Variants in SGCD observed in about 807,000 individuals in gnomAD.
SGCD encodes sarcoglycan delta.
Under a neutral mutation model 36.6 loss-of-function variants are expected in SGCD, and 18 were observed. That is an observed-to-expected ratio of 0.49 (90% CI 0.34 to 0.73). The LOEUF (loss-of-function observed/expected upper bound fraction) is 0.73, where lower values mean the gene tolerates loss of function less well. Ranked by LOEUF, SGCD falls within the 30% of genes least tolerant of loss-of-function variation. The probability of loss-of-function intolerance (pLI) is 0.01; values close to 1 mark genes in which losing one functional copy is unlikely to be tolerated. For missense variants in SGCD, 387 were observed against 346.7 expected, an observed-to-expected ratio of 1.12 and a Z score of -0.92; for synonymous variants, 133 against 130.6, an observed-to-expected ratio of 1.02 and a Z score of -0.12.
chr5:156,464,414 GT>G (rs1754635832), intron 3 of SGCD, among the ~76,000 whole-genome samples: 1 of 151,930 alleles, frequency 6.6e-6, no homozygotes, highest in South Asian at 2.1e-4. Context: ...TAGAGACAGG[GT>G]TTCACCATGT....
intron 3 of SGCD, among the ~76,000 whole-genome samples, chr5:156,436,337 A>G (rs965820746): frequency 6.6e-6 from 1 of 152,238 alleles, no homozygotes; most frequent in African/African-American, 2.4e-5. Context: ...AAAGTGCTCA[A>G]GATGTATTTG....
chr5:156,376,682 C>A (rs190656482), intron 3 of SGCD, among the ~76,000 whole-genome samples: 1 of 151,928 alleles, frequency 6.6e-6, no homozygotes, highest in Non-Finnish European at 1.5e-5. Context: ...AATCAAGTAT[C>A]TTTGTGTTTT....
chr5:156,188,674 C>CT (rs1441285112), intron 3 of SGCD, among the ~76,000 whole-genome samples: 2 of 134,846 alleles, frequency 1.5e-5, no homozygotes, highest in Non-Finnish European at 3.3e-5. Context: ...AACCGCCCCC[C>CT]CCGACACACA....
the SGCD span, among the ~76,000 whole-genome samples, chr5:155,864,237 A>G: frequency 6.8e-4 from 103 of 152,330 alleles, 4 homozygotes; most frequent in East Asian, 0.019. Context: ...ACCAGGAGGG[A>G]GCGCAGTAGG....
intron 5 of SGCD, among the ~76,000 whole-genome samples, chr5:156,594,082 A>G (rs1760829894): frequency 6.6e-6 from 1 of 152,210 alleles, no homozygotes. Flanking sequence ...AGGTAGATCC[A>G]GTAGATCCAG....
chr5:156,067,875 A>T (rs1253472710), intron 1 of SGCD, among the ~76,000 whole-genome samples: 1 of 131,034 alleles, frequency 7.6e-6, no homozygotes, highest in African/African-American at 4.2e-5. Context: ...GGTACCTCAG[A>T]TGGAAATGCA....
At chr5:155,829,871 T>G in the SGCD span, among the ~76,000 whole-genome samples, 3 of 152,192 alleles carry the variant, frequency 2.0e-5, no homozygotes, top group Non-Finnish European at 4.4e-5. Context: ...CAACCAAGCA[T>G]CATACAATCA....
At chr5:156,059,438 A>T (rs1326971081) in intron 1 of SGCD, among the ~76,000 whole-genome samples, 1 of 146,536 alleles carries the variant, frequency 6.8e-6, no homozygotes, top group Non-Finnish European at 1.5e-5. Context: ...TTAAACTTTT[A>T]TCAGAAAAGG....
chr5:156,188,180 C>T (rs1173317983), intron 3 of SGCD, among the ~76,000 whole-genome samples: 3 of 152,122 alleles, frequency 2.0e-5, no homozygotes, highest in Non-Finnish European at 4.4e-5. Context: ...TTCTTTTACT[C>T]ATTAGACATA....
At chr5:156,529,953 C>T (rs1292038050) in intron 4 of SGCD, among the ~76,000 whole-genome samples, 1 of 152,098 alleles carries the variant, frequency 6.6e-6, no homozygotes, top group African/African-American at 2.4e-5. Flanking sequence ...GTAAATGAGG[C>T]TTTTAAGATT....
intron 3 of SGCD, among the ~76,000 whole-genome samples, chr5:156,504,222 A>T (rs972778193): frequency 6.6e-6 from 1 of 151,652 alleles, no homozygotes; most frequent in African/African-American, 2.4e-5. Context: ...AAAAAAAAAA[A>T]TTATAAAGTA....
At chr5:155,857,046 C>T in the SGCD span, among the ~76,000 whole-genome samples, 1 of 151,996 alleles carries the variant, frequency 6.6e-6, no homozygotes, top group South Asian at 2.1e-4. Context: ...CAATCCTGGC[C>T]AGCATGGTGA....
At position 156,292,266 on chromosome 5, in the gene SGCD, G is replaced by A. The variant is rs536668958; in HGVS notation, c.-43-37268G>A. Among the ~76,000 whole-genome samples the A allele has an allele frequency of 9.2e-5, 14 of 152,024 alleles. No homozygotes were observed. In the South Asian group the frequency reaches 1.7e-3, roughly 18 times the overall value. On this transcript the variant is annotated intron_variant, in intron 3 of 9. Coordinates refer to the SGCD transcript ENST00000517913. Reference sequence around the variant, plus strand: ...CTTGCAAAACTCAAACCCTATACCCGTTAAACAATAATTTCACCTGCCCCT... The same window carrying A: ...CTTGCAAAACTCAAACCCTATACCCATTAAACAATAATTTCACCTGCCCCT...
intron 7 of SGCD, among the ~76,000 whole-genome samples, chr5:156,718,325 A>T (rs78410740): frequency 0.023 from 3,495 of 152,276 alleles, 97 homozygotes; most frequent in African/African-American, 0.052. Context: ...GTCAGAAAAT[A>T]GTAGGGTATG....
At chr5:156,613,095 C>T (rs1408139602) in intron 6 of SGCD, among the ~76,000 whole-genome samples, 2 of 152,162 alleles carry the variant, frequency 1.3e-5, no homozygotes, top group African/African-American at 2.4e-5. Flanking sequence ...TGGTGCTTTC[C>T]TGGGTTTCCA....
rs1375426168 is a variant in SGCD, at chr5:156,072,539, C to T, written c.-281-45339C>T. ...GGGCTTTCCTTTGAGGGTAACCCGA[C>T]CTTTCTCTCTGGCTGCCCTTAACAT... On this transcript the variant is annotated intron_variant, in intron 1 of 9. Transcript: ENST00000517913. 5.3e-5 allele frequency among the ~76,000 whole-genome samples: 8 copies of T among 151,966 alleles called. No homozygotes were observed. The East Asian group carries it at 1.5e-3, about 29-fold the overall frequency.
chr5:156,607,519 T>C (rs190928592), intron 6 of SGCD, among the ~76,000 whole-genome samples: 24 of 152,368 alleles, frequency 1.6e-4, no homozygotes, highest in Admixed American at 2.6e-4. Context: ...TTTTTGGTTG[T>C]GTCTCTGCCA....
intron 3 of SGCD, among the ~76,000 whole-genome samples, chr5:156,185,887 G>GAGAGAGA (rs1763745191): frequency 2.2e-4 from 2 of 9,146 alleles, no homozygotes; most frequent in African/African-American, 4.3e-4. Flanking sequence ...AGAGAGAGAG[G>GAGAGAGA]GCCATGTCTC....
chr5:155,897,119 G>C (rs1580978014), intron 1 of SGCD, among the ~76,000 whole-genome samples: 1 of 152,154 alleles, frequency 6.6e-6, no homozygotes, highest in South Asian at 2.1e-4. Flanking sequence ...AAAAATCACA[G>C]AGTATACTGA....
Sources: gnomAD v4.1 joint callset for allele counts (sites outside exome capture counted in the v4.1 genomes callset) on GRCh38, gnomAD v4.1.1 for gene constraint, MANE v1.5 for transcripts, NCBI Gene and HGNC (gene_info 2026-07-23, HGNC 2026-07-21) for gene names.